Variants in GRID2 observed in about 807,000 individuals in gnomAD.
GRID2 encodes glutamate ionotropic receptor delta type subunit 2, also known as glutamate receptor ionotropic, delta-2.
GRID2 carries 33 observed loss-of-function variants against 114.8 expected under a neutral mutation model. The observed-to-expected ratio is 0.29, with a 90% CI of 0.22 to 0.38. The LOEUF (loss-of-function observed/expected upper bound fraction) is 0.38, where lower values mean the gene tolerates loss of function less well. Among genes scored for constraint, GRID2 ranks in the 10% least tolerant of loss-of-function variants. The pLI, the probability that GRID2 is intolerant of heterozygous loss-of-function variation, is 1.00. For synonymous variants in GRID2, 505 were observed against 449.9 expected (o/e 1.12, Z -1.55); for missense variants, 1,184 against 1,257.7 (o/e 0.94, Z 0.89).
At chr4:92,701,347 T>C (rs1158401717) in intron 2 of GRID2, among the ~76,000 whole-genome samples, 1 of 152,152 alleles carries the variant, frequency 6.6e-6, no homozygotes, top group African/African-American at 2.4e-5. Flanking sequence ...TCACTGCAAA[T>C]ATGTTAACTT....
intron 2 of GRID2, among the ~76,000 whole-genome samples, chr4:92,614,418 T>C (rs1433433517): frequency 6.6e-6 from 1 of 151,682 alleles, no homozygotes; most frequent in Non-Finnish European, 1.5e-5. Context: ...GTAAACATGT[T>C]GTATTTCTGC....
At position 93,772,752 on chromosome 4, in the gene GRID2, A is replaced by G; in HGVS notation, c.*254A>G. 1 of 471,680 alleles carries G rather than the reference A, an allele frequency of 2.1e-6. No individual in the cohort carries two copies. The highest frequency in any genetic ancestry group is 2.0e-5 in the African/African-American group (1 of 51,140). 29.2% of individuals were successfully genotyped at this position (471,680 alleles called of 1,614,324 possible). ...TTGTTCCCCAAGAAGGTAGTGTACT[A>G]GGATCCTATTAGTCTGCTTTTCATA... On this transcript the variant is annotated 3_prime_UTR_variant, in exon 16 of 16. Coordinates refer to ENST00000282020, the MANE Select transcript of GRID2 (RefSeq NM_001510.4).
At chr4:93,624,927 A>C (rs2149687885) in intron 13 of GRID2, among the ~76,000 whole-genome samples, 1 of 152,292 alleles carries the variant, frequency 6.6e-6, no homozygotes, top group African/African-American at 2.4e-5. Context: ...GTGTTCCTTA[A>C]GTGATGATAG....
intron 2 of GRID2, among the ~76,000 whole-genome samples, chr4:92,978,912 A>G (rs1354789757): frequency 6.6e-6 from 1 of 152,008 alleles, no homozygotes; most frequent in Non-Finnish European, 1.5e-5. Flanking sequence ...AGTCCCAGCT[A>G]CTTGGGAGGC....
In GRID2 at chr4:93,158,026, A is replaced by G. The variant is rs939675496; in HGVS notation, c.735+47073A>G. 2.6e-5 allele frequency among the ~76,000 whole-genome samples: 4 copies of G among 151,850 alleles called. No individual in the cohort carries two copies. In the East Asian group the frequency reaches 7.7e-4, roughly 29 times the overall value. On this transcript the variant is annotated intron_variant, in intron 4 of 15. Coordinates refer to ENST00000282020, the MANE Select transcript of GRID2 (RefSeq NM_001510.4). ...TAGTGTTATTTTAGGACATAAAGAA[A>G]GCTATATGTTAATAAATGCAAACTA...
intron 14 of GRID2, among the ~76,000 whole-genome samples, chr4:93,741,175 ATATATATATATATATATATATATATG>A (rs1328473207): frequency 7.0e-4 from 11 of 15,626 alleles, no homozygotes; most frequent in Admixed American, 4.6e-3. Context: ...ATATATATAC[ATATATATATATATATATATATATATG>A]TATATATATA....
At chr4:93,421,421 C>T (rs1346407858) in intron 9 of GRID2, among the ~76,000 whole-genome samples, 1 of 152,100 alleles carries the variant, frequency 6.6e-6, no homozygotes, top group African/African-American at 2.4e-5. Flanking sequence ...GTTCATTTTG[C>T]TCTAAGATAA....
intron 14 of GRID2, among the ~76,000 whole-genome samples, chr4:93,710,714 G>GTTGAC (rs1728410155): frequency 6.6e-6 from 1 of 152,176 alleles, no homozygotes; most frequent in Non-Finnish European, 1.5e-5. Flanking sequence ...TGCTGTCTGG[G>GTTGAC]AGCCAGGACC....
At chr4:92,485,454 CTT>C (rs1722839384) in intron 1 of GRID2, among the ~76,000 whole-genome samples, 1 of 150,228 alleles carries the variant, frequency 6.7e-6, no homozygotes, top group Non-Finnish European at 1.5e-5. Flanking sequence ...AATCCCAGCA[CTT>C]TGGGAGGCCC....
intron 1 of GRID2, among the ~76,000 whole-genome samples, chr4:92,472,564 G>C (rs115606146): frequency 0.013 from 1,925 of 152,220 alleles, 35 homozygotes; most frequent in African/African-American, 0.037. Context: ...AAGAGTTTCA[G>C]TTGCTCCACA....
At chr4:93,022,501 T>A (rs2088946819) in intron 2 of GRID2, among the ~76,000 whole-genome samples, 1 of 151,968 alleles carries the variant, frequency 6.6e-6, no homozygotes, top group Non-Finnish European at 1.5e-5. Context: ...ATGTTTTAGA[T>A]CATAAATCTT....
chr4:93,308,361 C>T (rs1249305638), intron 8 of GRID2, among the ~76,000 whole-genome samples: 1 of 152,102 alleles, frequency 6.6e-6, no homozygotes, highest in Non-Finnish European at 1.5e-5. Context: ...CAATTCTATT[C>T]CTGTTTCCAT....
chr4:93,248,541 T>C (rs1748459584), intron 8 of GRID2, among the ~76,000 whole-genome samples: 1 of 152,174 alleles, frequency 6.6e-6, no homozygotes, highest in Non-Finnish European at 1.5e-5. Flanking sequence ...CTGCTTTCTC[T>C]GCTCTCTAAA....
chr4:93,763,893 A>G (rs1733419132), intron 14 of GRID2, among the ~76,000 whole-genome samples: 1 of 152,120 alleles, frequency 6.6e-6, no homozygotes. Flanking sequence ...TAACTTTTTT[A>G]GTTTGGTTCA....
chr4:93,761,371 G>A (rs1272734722), intron 14 of GRID2, among the ~76,000 whole-genome samples: 1 of 152,108 alleles, frequency 6.6e-6, no homozygotes, highest in Non-Finnish European at 1.5e-5. Flanking sequence ...TTTCTCTGAG[G>A]TTTCCAAAAT....
intron 4 of GRID2, among the ~76,000 whole-genome samples, chr4:93,145,537 C>G (rs1469047696): frequency 6.7e-6 from 1 of 149,168 alleles, no homozygotes; most frequent in Non-Finnish European, 1.5e-5. Flanking sequence ...TCTGAGCTCA[C>G]TGCAACCTCC....
chr4:92,589,948 G>A (rs1728628711), intron 1 of GRID2, among the ~76,000 whole-genome samples, 183 bp from the exon 2 acceptor site: 1 of 152,146 alleles, frequency 6.6e-6, no homozygotes, highest in Admixed American at 6.5e-5. Flanking sequence ...TTTGGAAGAA[G>A]TAACTATATT....
chr4:92,461,236 T>C (rs1445018423), intron 1 of GRID2, among the ~76,000 whole-genome samples: 12 of 152,020 alleles, frequency 7.9e-5, no homozygotes, highest in African/African-American at 2.7e-4. Context: ...TGTTACATGG[T>C]AAGTCCTTAG....
At chr4:92,430,715 A>T (rs1239288636) in intron 1 of GRID2, among the ~76,000 whole-genome samples, 1 of 152,172 alleles carries the variant, frequency 6.6e-6, no homozygotes, top group Non-Finnish European at 1.5e-5. Context: ...CTTTTAAACA[A>T]TATTGATACT....
Sources: allele counts gnomAD v4.1 joint callset (sites outside exome capture counted in the v4.1 genomes callset), GRCh38; gene constraint gnomAD v4.1.1; transcripts MANE v1.5; gene names NCBI Gene and HGNC (gene_info 2026-07-23, HGNC 2026-07-21).